Variants in CEMIP observed in about 807,000 individuals in gnomAD.
CEMIP encodes cell migration-inducing and hyaluronan-binding protein.
A neutral mutation model predicts 156.9 loss-of-function variants in CEMIP; 105 were observed. The ratio of observed to expected loss-of-function variants is 0.67; its 90% CI spans 0.57 to 0.79. The LOEUF (loss-of-function observed/expected upper bound fraction) is 0.79. Among genes scored for constraint, CEMIP ranks in the 30% least tolerant of loss-of-function variants. CEMIP has a pLI of 0.00. For missense variants in CEMIP, 1,457 were observed against 1,769.4 expected (o/e 0.82, Z 3.17); for synonymous variants, 676 against 668.4 (o/e 1.01, Z -0.17).
chr15:80,882,437 C>T (rs1051365684), intron 6 of CEMIP, among the ~76,000 whole-genome samples: 3 of 152,158 alleles, frequency 2.0e-5, no homozygotes, highest in Non-Finnish European at 4.4e-5. Flanking sequence ...ATCGCCTCCA[C>T]GGATAACGGC....
At chr15:80,831,612 C>T (rs940540661) in intron 1 of CEMIP, among the ~76,000 whole-genome samples, 34 of 152,122 alleles carry the variant, frequency 2.2e-4, no homozygotes, top group African/African-American at 8.2e-4. Flanking sequence ...AACTGGGTCC[C>T]ACGTGGAGAT....
chr15:80,889,522 G>T lies in CEMIP; in HGVS notation c.1016G>T (p.Gly339Val). 1.9e-6 allele frequency: 3 copies of T among 1,614,180 alleles called. No homozygotes were observed. Among genetic ancestry groups the T allele is most frequent in the Non-Finnish European group, 2.5e-6 (3 of 1,180,024 alleles). The change falls in exon 10 of 30, where the codon GGT becomes GTT. Residue 339 changes from glycine (G) to valine (V), a missense_variant. Physicochemically the swap from Gly to Val is moderately radical, Grantham distance 109. Transcript: ENST00000394685. ...FDHDKVSQTK[G>V]GEKISDLWKA... ...CATGATAAAGTATCTCAGACTAAAG[G>T]TGGGGAGAAAATTTCAGACCTCTGG...
intron 1 of CEMIP, among the ~76,000 whole-genome samples, chr15:80,805,202 TG>T (rs1896484419): frequency 6.6e-6 from 1 of 152,180 alleles, no homozygotes; most frequent in East Asian, 1.9e-4. Flanking sequence ...ACATCAGCCC[TG>T]GAGAAACTGC....
intron 1 of CEMIP, among the ~76,000 whole-genome samples, chr15:80,861,783 A>G (rs993803157): frequency 2.6e-5 from 4 of 152,266 alleles, no homozygotes; most frequent in African/African-American, 9.6e-5. Context: ...TGAAGTGTTT[A>G]TTGCTACAAT....
rs1355628825 is a variant in CEMIP at position 80,951,545 on chromosome 15, A to C, written c.*2621A>C. The C allele has an allele frequency of 6.6e-6, 1 of 152,638 alleles. No individual in the cohort carries two copies. Among genetic ancestry groups the C allele is most frequent in the East Asian group, 1.9e-4 (1 of 5,202 alleles). The allele number at this position is 152,638 out of a possible 1,614,324, so 9.5% of individuals were successfully genotyped here. ...GGAGTTAGATGTATAGAGTGTTTGT[A>C]TGTAAACATTTCTTGTAGGCATCAC... is the stretch of plus-strand genomic sequence containing the variant. On this transcript the variant is annotated 3_prime_UTR_variant, in exon 30 of 30. Transcript: ENST00000394685.
intron 1 of CEMIP, among the ~76,000 whole-genome samples, chr15:80,847,355 T>C (rs1395369273): frequency 6.6e-6 from 1 of 152,198 alleles, no homozygotes; most frequent in East Asian, 1.9e-4. Flanking sequence ...AGCCCTTATG[T>C]AGCTTTTGGA....
intron 1 of CEMIP, among the ~76,000 whole-genome samples, chr15:80,852,032 T>G (rs2141739055): frequency 6.6e-6 from 1 of 152,086 alleles, no homozygotes; most frequent in East Asian, 1.9e-4. Context: ...GGGTAGAACT[T>G]CAAGGGGGAC....
intron 19 of CEMIP, 112 bp downstream of exon 19, chr15:80,925,867 G>A (rs537424319): frequency 3.0e-5 from 44 of 1,443,102 alleles, no homozygotes; most frequent in African/African-American, 7.1e-5. Flanking sequence ...ACATACTGAC[G>A]TTTGGCCTTC....
intron 14 of CEMIP, chr15:80,909,560 T>A: frequency 7.0e-6 from 4 of 570,202 alleles, no homozygotes; most frequent in South Asian, 6.1e-5. Flanking sequence ...GGAGTCCAGT[T>A]TTTCCTGTAC....
chr15:80,934,398 G>C (rs915854564), intron 23 of CEMIP, among the ~76,000 whole-genome samples: 8 of 152,196 alleles, frequency 5.3e-5, no homozygotes, highest in Admixed American at 2.0e-4. Context: ...ATGGTGCCTA[G>C]AACAGGGCAG....
At chr15:80,903,392 A>G (rs1449222354) in intron 12 of CEMIP, among the ~76,000 whole-genome samples, 1 of 152,164 alleles carries the variant, frequency 6.6e-6, no homozygotes, top group Admixed American at 6.5e-5. Context: ...CATCACTGAG[A>G]AGGAGGAACT....
At position 80,839,289 on chromosome 15, in the gene CEMIP, A is replaced by AGTGTGTGTGTGTGTGTGTGTGT. The variant is rs34172431; in HGVS notation, c.-175-34228_-175-34207dup. Reference sequence around the variant, plus strand: ...TGAAGGCTGTGGAGTCAAGGCCGTGAGTGTGTGTGTGTGTGTGTGTGTGTG... The same window carrying AGTGTGTGTGTGTGTGTGTGTGT: ...TGAAGGCTGTGGAGTCAAGGCCGTGAGTGTGTGTGTGTGTGTGTGTGTGTGTGTGTGTGTGTGTGTGTGTGTG... On this transcript the variant is annotated intron_variant, in intron 1 of 29. Transcript: ENST00000394685. Among the ~76,000 whole-genome samples, 231 of 131,174 alleles carry AGTGTGTGTGTGTGTGTGTGTGT rather than the reference A, an allele frequency of 1.8e-3. 4 individuals are homozygous for AGTGTGTGTGTGTGTGTGTGTGT. The highest frequency in any genetic ancestry group is 5.8e-3 in the African/African-American group (191 of 32,654). 86.1% of individuals were successfully genotyped at this position (131,174 alleles called of 152,430 possible).
intron 14 of CEMIP, among the ~76,000 whole-genome samples, chr15:80,910,818 A>T (rs1900022005): frequency 6.6e-6 from 1 of 152,228 alleles, no homozygotes; most frequent in Non-Finnish European, 1.5e-5. Flanking sequence ...TGCTGTCCAC[A>T]CATGAAGGCT....
At chr15:80,927,552 G>A (rs1900743647) in intron 19 of CEMIP, among the ~76,000 whole-genome samples, 1 of 152,200 alleles carries the variant, frequency 6.6e-6, no homozygotes, top group Non-Finnish European at 1.5e-5. Context: ...GATGGTAAAT[G>A]CCAGATTTAG....
chr15:80,810,502 G>A (rs1896637260), intron 1 of CEMIP, among the ~76,000 whole-genome samples: 2 of 152,230 alleles, frequency 1.3e-5, no homozygotes, highest in Admixed American at 6.5e-5. Context: ...CGAGTAGCTG[G>A]GACTACAGGC....
intron 29 of CEMIP, chr15:80,948,582 A>G (rs1596217180): frequency 2.2e-5 from 14 of 629,276 alleles, no homozygotes; most frequent in South Asian, 1.9e-4. Flanking sequence ...CCTAGGTGGC[A>G]GTGAGGCTCA....
chr15:80,811,144 A>C (rs755007000), intron 1 of CEMIP, among the ~76,000 whole-genome samples: 20 of 152,334 alleles, frequency 1.3e-4, no homozygotes, highest in Non-Finnish European at 1.9e-4. Context: ...AACTAAATAG[A>C]ATTCAACATG....
rs181707353 is a variant in CEMIP at position 80,833,905 on chromosome 15, A to T, written c.-175-39633A>T. Among the ~76,000 whole-genome samples, 430 of 152,202 alleles carry T rather than the reference A, an allele frequency of 2.8e-3. 1 individual carries two copies. Among genetic ancestry groups the T allele is most frequent in the African/African-American group, 9.8e-3 (408 of 41,548 alleles). On this transcript the variant is annotated intron_variant, in intron 1 of 29. Transcript: ENST00000394685. ...GGCTGGTCTTGAACTCGTGTCCTCA[A>T]GTGATCTGCCTGCCTCAGCCTCCCA... is the stretch of plus-strand genomic sequence containing the variant.
rs1567085037 is a variant in CEMIP at position 80,889,513 on chromosome 15, A to T, written c.1007A>T (p.Gln336Leu). ...TEWFDHDKVS[Q>L]TKGGEKISDL... ...TGGTTCGATCATGATAAAGTATCTCAGACTAAAGGTGGGGAGAAAATTTCA... is the reference window on the plus strand; with the variant it reads ...TGGTTCGATCATGATAAAGTATCTCTGACTAAAGGTGGGGAGAAAATTTCA... The change falls in exon 10 of 30, where the codon CAG becomes CTG. Residue 336 changes from glutamine (Q) to leucine (L), a missense_variant. This residue lies in a region of CEMIP where 280 missense variants were observed against 300.3 expected (regional missense o/e 0.93). Transcript: ENST00000394685. 6.2e-7 allele frequency: 1 copy of T among 1,614,212 alleles called. No homozygotes were observed. The highest frequency in any genetic ancestry group is 2.2e-5 in the East Asian group (1 of 44,878).
Sources: gnomAD v4.1 joint callset for allele counts (sites outside exome capture counted in the v4.1 genomes callset) on GRCh38, gnomAD v4.1.1 for gene constraint, gnomAD v4.1.1 regional missense constraint, MANE v1.5 for transcripts, NCBI Gene and HGNC (gene_info 2026-07-23, HGNC 2026-07-21) for gene names.